Variants in LYPLAL1 observed in about 807,000 individuals in gnomAD.
The protein encoded by LYPLAL1 is lysophospholipase like 1.
Under a neutral mutation model 19.7 loss-of-function variants are expected in LYPLAL1, and 23 were observed. That is an observed-to-expected ratio of 1.17 (90% confidence interval 0.84 to 1.65). LYPLAL1 has a LOEUF of 1.65. Ranked by LOEUF, LYPLAL1 falls within the 40% of genes most tolerant of loss-of-function variation. LYPLAL1 has a pLI of 0.00. For synonymous variants in LYPLAL1, 119 were observed against 96.3 expected (o/e 1.24, Z -1.38); for missense variants, 355 against 279.4 (o/e 1.27, Z -1.93).
At chr1:219,343,666 T>A in the LYPLAL1 span, among the ~76,000 whole-genome samples, 1 of 152,262 alleles carries the variant, frequency 6.6e-6, no homozygotes, top group African/African-American at 2.4e-5. Flanking sequence ...TGAAATAAAC[T>A]ACGAACATTT....
the LYPLAL1 span, among the ~76,000 whole-genome samples, chr1:219,395,562 T>C: frequency 2.0e-5 from 3 of 152,204 alleles, no homozygotes; most frequent in Non-Finnish European, 4.4e-5. Context: ...TCTCATTCTG[T>C]AGGTTGTCTG....
the LYPLAL1 span, among the ~76,000 whole-genome samples, chr1:219,443,538 C>T: frequency 6.6e-6 from 1 of 152,090 alleles, no homozygotes; most frequent in African/African-American, 2.4e-5. Context: ...CCCAGAAGTA[C>T]AGTAAGTCCT....
the LYPLAL1 span, among the ~76,000 whole-genome samples, chr1:219,241,102 C>CTG: frequency 2.4e-5 from 1 of 42,244 alleles, no homozygotes; most frequent in East Asian, 6.1e-4. Flanking sequence ...TATATAATCT[C>CTG]TCTCTCTCTC....
the LYPLAL1 span, among the ~76,000 whole-genome samples, chr1:219,398,754 G>T: frequency 1.3e-5 from 2 of 152,196 alleles, no homozygotes; most frequent in African/African-American, 4.8e-5. Flanking sequence ...ATGACCTCGA[G>T]GGTTTGATTA....
the LYPLAL1 span, among the ~76,000 whole-genome samples, chr1:219,417,483 C>A: frequency 6.6e-5 from 10 of 152,170 alleles, no homozygotes; most frequent in Non-Finnish European, 1.5e-4. Flanking sequence ...AAGGAATGGC[C>A]CTGTGTAACA....
At chr1:219,176,690 A>G (rs2125015279) in intron 1 of LYPLAL1, among the ~76,000 whole-genome samples, 2 of 152,250 alleles carry the variant, frequency 1.3e-5, no homozygotes, top group South Asian at 4.1e-4. Context: ...CCCTAGGCTA[A>G]TCACAGAAGT....
the LYPLAL1 span, among the ~76,000 whole-genome samples, chr1:219,248,793 A>G: frequency 6.6e-6 from 1 of 152,160 alleles, no homozygotes; most frequent in Non-Finnish European, 1.5e-5. Context: ...TAAAATTAGC[A>G]TACTTCTTTA....
At chr1:219,333,277 C>T in the LYPLAL1 span, among the ~76,000 whole-genome samples, 1 of 152,076 alleles carries the variant, frequency 6.6e-6, no homozygotes, top group Non-Finnish European at 1.5e-5. Context: ...AACTAGGACA[C>T]TGATGTCTTT....
At chr1:219,370,522 C>CT in the LYPLAL1 span, among the ~76,000 whole-genome samples, 1 of 152,194 alleles carries the variant, frequency 6.6e-6, no homozygotes, top group African/African-American at 2.4e-5. Context: ...AGACTGTGGG[C>CT]TCACAGATTA....
At chr1:219,351,600 C>T in the LYPLAL1 span, among the ~76,000 whole-genome samples, 2 of 151,640 alleles carry the variant, frequency 1.3e-5, no homozygotes, top group African/African-American at 2.4e-5. Context: ...TCATTGATGG[C>T]GAATGTTCTT....
chr1:219,174,768 A>C (rs1251129218), intron 1 of LYPLAL1, among the ~76,000 whole-genome samples: 1 of 152,210 alleles, frequency 6.6e-6, no homozygotes, highest in East Asian at 1.9e-4. Context: ...TGCTTGGCCC[A>C]GGGTAAGCTC....
chr1:219,217,492 T>G (rs1203093597), downstream of LYPLAL1, among the ~76,000 whole-genome samples: 3 of 151,782 alleles, frequency 2.0e-5, no homozygotes, highest in African/African-American at 7.3e-5. Context: ...TCAATCCTGG[T>G]CCTCCATCTA....
chr1:219,313,693 C>A, the LYPLAL1 span, among the ~76,000 whole-genome samples: 1 of 152,002 alleles, frequency 6.6e-6, no homozygotes, highest in African/African-American at 2.4e-5. Context: ...CACCACCACA[C>A]TCAGTTAATT....
downstream of LYPLAL1, among the ~76,000 whole-genome samples, chr1:219,213,110 A>G (rs1659159680): frequency 6.6e-6 from 1 of 152,020 alleles, no homozygotes; most frequent in Admixed American, 6.6e-5. Flanking sequence ...GGCTTAATTT[A>G]CATTTTCTAA....
the LYPLAL1 span, among the ~76,000 whole-genome samples, chr1:219,307,263 C>T: frequency 5.3e-5 from 8 of 152,142 alleles, no homozygotes; most frequent in South Asian, 1.5e-3. Flanking sequence ...TTCACATATA[C>T]CCCTTTTAGG....
chr1:219,351,490 G>A, the LYPLAL1 span, among the ~76,000 whole-genome samples: 3 of 151,850 alleles, frequency 2.0e-5, no homozygotes, highest in Non-Finnish European at 4.4e-5. Flanking sequence ...CATTAAAATA[G>A]CAGGGTCTAT....
At chr1:219,229,639 C>T in the LYPLAL1 span, among the ~76,000 whole-genome samples, 1 of 152,166 alleles carries the variant, frequency 6.6e-6, no homozygotes, top group Non-Finnish European at 1.5e-5. Flanking sequence ...TAAAAGAGCA[C>T]ACTGTAATAC....
At chr1:219,179,434 A>G (rs1656084261) in intron 2 of LYPLAL1, 188 bp downstream of exon 2, 1 of 539,024 alleles carries the variant, frequency 1.9e-6, no homozygotes, top group Non-Finnish European at 3.3e-6. Flanking sequence ...CAGGTGAGTA[A>G]TTTATTCCCT....
At chr1:219,307,028 ATATATATATATATG>A in the LYPLAL1 span, among the ~76,000 whole-genome samples, 1 of 37,152 alleles carries the variant, frequency 2.7e-5, no homozygotes, top group Non-Finnish European at 9.8e-5. Context: ...ACATACATAT[ATATATATATATATG>A]TATATATATA....
Sources: allele counts gnomAD v4.1 joint callset (sites outside exome capture counted in the v4.1 genomes callset), GRCh38; gene constraint gnomAD v4.1.1; transcripts MANE v1.5; gene names NCBI Gene and HGNC (gene_info 2026-07-23, HGNC 2026-07-21).